UST: variants seen among roughly 807,000 people sequenced by gnomAD.
The protein encoded by UST is uronyl 2-sulfotransferase.
In UST, 21 loss-of-function variants were observed where a neutral mutation model predicts 45.6. The observed-to-expected ratio is 0.46, with a 90% CI of 0.33 to 0.66. The LOEUF (loss-of-function observed/expected upper bound fraction) is 0.66, where lower values mean the gene tolerates loss of function less well. UST is among the 30% of genes least tolerant of loss of function. UST has a pLI of 0.02. For missense variants in UST, 463 were observed against 512.4 expected (o/e 0.90, Z 0.93); for synonymous variants, 215 against 200.6 (o/e 1.07, Z -0.61).
intron 1 of UST, among the ~76,000 whole-genome samples, chr6:148,848,823 A>G (rs1014785776): frequency 2.6e-5 from 4 of 152,206 alleles, no homozygotes; most frequent in African/African-American, 7.2e-5. Context: ...CAAAGTTTCC[A>G]TAGGCTCTCT....
rs1192167106 is a variant in UST at position 149,017,797 on chromosome 6, TATACAC to T, written c.682-1340_682-1335del. On this transcript the variant is annotated intron_variant, in intron 5 of 7. Coordinates refer to ENST00000367463, the MANE Select transcript of UST (RefSeq NM_005715.3). ...CTCATTGCAGCAATGAATATCCATA[TATACAC>T]ACACACACACACACACACACACACA... Among the ~76,000 whole-genome samples, 51 of 59,452 alleles carry T rather than the reference TATACAC, an allele frequency of 8.6e-4. No individual in the cohort carries two copies. The South Asian group carries it at 0.014, about 17-fold the overall frequency. 39.0% of individuals were successfully genotyped at this position (59,452 alleles called of 152,430 possible). A position where few individuals can be genotyped will look rare whatever the true frequency, so the allele number is the denominator to read the frequency against.
chr6:148,763,766 C>T (rs1016870216), intron 1 of UST, among the ~76,000 whole-genome samples: 9 of 152,146 alleles, frequency 5.9e-5, no homozygotes, highest in South Asian at 4.2e-4. Context: ...CTTTCCCCAT[C>T]GTATATTTTT....
chr6:148,911,213 C>T (rs1340772769), intron 2 of UST, among the ~76,000 whole-genome samples: 1 of 152,180 alleles, frequency 6.6e-6, no homozygotes, highest in African/African-American at 2.4e-5. Flanking sequence ...GAAGGTCACT[C>T]AGTCATCACC....
chr6:148,850,504 T>C (rs1230365876), intron 1 of UST, among the ~76,000 whole-genome samples: 1 of 152,046 alleles, frequency 6.6e-6, no homozygotes, highest in East Asian at 1.9e-4. Context: ...GGACAACCAA[T>C]CTAAGAAAGC....
chr6:149,029,493 AATG>A, intron 7 of UST, among the ~76,000 whole-genome samples: 1 of 146,446 alleles, frequency 6.8e-6, no homozygotes, highest in East Asian at 2.0e-4. Flanking sequence ...TATAATATAT[AATG>A]TATATATTAT....
At chr6:148,978,241 G>T (rs1422341406) in intron 5 of UST, among the ~76,000 whole-genome samples, 1 of 151,836 alleles carries the variant, frequency 6.6e-6, no homozygotes, top group Non-Finnish European at 1.5e-5. Context: ...TGTATCTCTA[G>T]AACAGTGTTA....
chr6:148,946,479 C>A (rs1161184012), intron 3 of UST, among the ~76,000 whole-genome samples: 2 of 136,768 alleles, frequency 1.5e-5, no homozygotes, highest in Non-Finnish European at 1.5e-5. Flanking sequence ...CGACTGCACT[C>A]CAGCCTGGGC....
intron 7 of UST, among the ~76,000 whole-genome samples, chr6:149,059,580 T>G (rs1326319946): frequency 6.6e-6 from 1 of 152,248 alleles, no homozygotes; most frequent in Non-Finnish European, 1.5e-5. Context: ...TGTGTACTCC[T>G]TCTAGAAGAA....
intron 1 of UST, among the ~76,000 whole-genome samples, chr6:148,778,169 T>A (rs1776570103): frequency 6.6e-6 from 1 of 152,154 alleles, no homozygotes; most frequent in African/African-American, 2.4e-5. Context: ...TAAACTGAAA[T>A]TTTAACCTTC....
At chr6:148,820,852 CAAAA>C (rs1212781868) in intron 1 of UST, among the ~76,000 whole-genome samples, 1 of 66,690 alleles carries the variant, frequency 1.5e-5, no homozygotes, top group Non-Finnish European at 3.2e-5. Flanking sequence ...GACTCCATCT[CAAAA>C]AAAAAAAAAA....
At chr6:148,882,685 T>G (rs1778845125) in intron 1 of UST, among the ~76,000 whole-genome samples, 2 of 152,084 alleles carry the variant, frequency 1.3e-5, no homozygotes. Flanking sequence ...GTGTCAACAG[T>G]AGTCAGCCTG....
chr6:148,909,770 T>C (rs1779438590), intron 2 of UST, among the ~76,000 whole-genome samples: 2 of 152,326 alleles, frequency 1.3e-5, no homozygotes, highest in South Asian at 4.1e-4. Context: ...TATATGAAGA[T>C]AAATCTTTTG....
At chr6:149,071,897 A>C (rs1206171344) in intron 7 of UST, among the ~76,000 whole-genome samples, 1 of 152,206 alleles carries the variant, frequency 6.6e-6, no homozygotes, top group Non-Finnish European at 1.5e-5. Flanking sequence ...CATGCTTGTC[A>C]AAAAGCACAT....
intron 1 of UST, among the ~76,000 whole-genome samples, chr6:148,750,936 T>C (rs1424416861): frequency 2.0e-5 from 3 of 152,212 alleles, no homozygotes; most frequent in Admixed American, 1.3e-4. Context: ...GTTCCCAATG[T>C]GGGTCCTTGG....
intron 2 of UST, among the ~76,000 whole-genome samples, chr6:148,929,210 G>A (rs1242694322): frequency 1.3e-5 from 2 of 152,120 alleles, no homozygotes; most frequent in Non-Finnish European, 2.9e-5. Flanking sequence ...CCCCTCTTTA[G>A]CAGAAATCTG....
At chr6:149,065,832 T>C (rs1776722867) in intron 7 of UST, among the ~76,000 whole-genome samples, 1 of 152,246 alleles carries the variant, frequency 6.6e-6, no homozygotes, top group Non-Finnish European at 1.5e-5. Context: ...CATAACCCTC[T>C]GGCAATGTCA....
rs1775916063 is a variant in UST at position 148,748,249 on chromosome 6, C to A, written c.247+572C>A. On this transcript the variant is annotated intron_variant, in intron 1 of 7. Coordinates refer to ENST00000367463, the MANE Select transcript of UST (RefSeq NM_005715.3). This position sits in a 1 kb window ranked among gnomAD's most constrained non-coding sequence, Gnocchi z 5.3. ...TTGTCCCTTGGCTGCCGCTGCCCAC[C>A]CCGCCGCCCGCAGCTAGCCTGGCGC... 6.6e-6 allele frequency among the ~76,000 whole-genome samples: 1 copy of A among 152,060 alleles called. No individual in the cohort carries two copies. Among genetic ancestry groups the A allele is most frequent in the African/African-American group, 2.4e-5 (1 of 41,414 alleles).
At chr6:149,038,073 T>G (rs6903661) in intron 7 of UST, among the ~76,000 whole-genome samples, 11,201 of 152,176 alleles carry the variant, frequency 0.074, 1,017 homozygotes, top group African/African-American at 0.22. Flanking sequence ...TTCCTAAAAC[T>G]GGTTCCTTTT....
chr6:148,919,631 A>C (rs1562299931), intron 2 of UST, among the ~76,000 whole-genome samples: 1 of 152,192 alleles, frequency 6.6e-6, no homozygotes, highest in Non-Finnish European at 1.5e-5. Flanking sequence ...CAGAACCCAA[A>C]AGTTTTCAAA....
Sources: allele counts gnomAD v4.1 joint callset (sites outside exome capture counted in the v4.1 genomes callset), GRCh38; gene constraint gnomAD v4.1.1; non-coding constraint Gnocchi (gnomAD v3.1); transcripts MANE v1.5; gene names NCBI Gene and HGNC (gene_info 2026-07-23, HGNC 2026-07-21).